The following ELP4 variants were observed in gnomAD, a reference collection of about 807,000 sequenced individuals.
ELP4 encodes the protein elongator acetyltransferase complex subunit 4.
In ELP4, 51 loss-of-function variants were observed where a neutral mutation model predicts 48.9. The observed-to-expected ratio is 1.04, with a 90% CI of 0.83 to 1.32. ELP4 has a LOEUF of 1.32. Ranked by LOEUF, ELP4 falls within the 40% of genes most tolerant of loss-of-function variation. The pLI is 0.00. For synonymous variants in ELP4, 210 were observed against 189.2 expected (o/e 1.11, Z -0.90); for missense variants, 519 against 514.6 (o/e 1.01, Z -0.08).
chr11:31,559,228 T>C (rs935871377), intron 3 of ELP4, among the ~76,000 whole-genome samples: 1 of 152,226 alleles, frequency 6.6e-6, no homozygotes, highest in African/African-American at 2.4e-5. Flanking sequence ...GTTGGGGTGA[T>C]TCCTTCAGTG....
At chr11:31,694,060 T>A (rs541838457) in intron 9 of ELP4, among the ~76,000 whole-genome samples, 1 of 152,334 alleles carries the variant, frequency 6.6e-6, no homozygotes, top group African/African-American at 2.4e-5. Context: ...TTCTGGATAC[T>A]AGCCCTTTGT....
chr11:31,518,978 A>AT (rs939743147), intron 1 of ELP4, among the ~76,000 whole-genome samples: 8 of 150,470 alleles, frequency 5.3e-5, no homozygotes, highest in South Asian at 2.1e-4. Flanking sequence ...CATGCAGATT[A>AT]TTTTTTTTGT....
At chr11:31,699,174 C>A (rs565381548) in intron 9 of ELP4, among the ~76,000 whole-genome samples, 1 of 152,078 alleles carries the variant, frequency 6.6e-6, no homozygotes, top group South Asian at 2.1e-4. Context: ...GTCTCTTCCT[C>A]CACAAAAAAT....
chr11:31,564,434 G>T (rs1466135695), intron 3 of ELP4, among the ~76,000 whole-genome samples: 3 of 151,212 alleles, frequency 2.0e-5, no homozygotes, highest in African/African-American at 7.3e-5. Flanking sequence ...CAACGTGCAG[G>T]TTTGTTACAT....
intron 9 of ELP4, among the ~76,000 whole-genome samples, chr11:31,655,653 A>G (rs1216557378): frequency 6.6e-6 from 1 of 152,006 alleles, no homozygotes; most frequent in Non-Finnish European, 1.5e-5. Context: ...ACACAAAACA[A>G]GCTTACACGA....
At chr11:31,738,637 G>C (rs1251178860) in intron 9 of ELP4, among the ~76,000 whole-genome samples, 1 of 151,984 alleles carries the variant, frequency 6.6e-6, no homozygotes, top group Non-Finnish European at 1.5e-5. Flanking sequence ...GGGGGAGGTG[G>C]AGGTGGGAGG....
chr11:31,539,323 G>A (rs1475555572), intron 2 of ELP4, among the ~76,000 whole-genome samples: 1 of 152,118 alleles, frequency 6.6e-6, no homozygotes, highest in Admixed American at 6.6e-5. Context: ...AAATTAGCCG[G>A]GCCTGGTGGC....
chr11:31,645,649 A>G (rs1401857156), intron 7 of ELP4: 1 of 151,796 alleles, frequency 6.6e-6, no homozygotes, highest in Non-Finnish European at 1.5e-5. Flanking sequence ...TTATTTATAG[A>G]TAAAAGGAAA....
chr11:31,667,383 A>G (rs1050445715), intron 9 of ELP4, among the ~76,000 whole-genome samples: 11 of 152,184 alleles, frequency 7.2e-5, no homozygotes, highest in Non-Finnish European at 1.2e-4. Flanking sequence ...TAAAGCACCT[A>G]ATGTCAAATA....
intron 3 of ELP4, among the ~76,000 whole-genome samples, chr11:31,562,222 A>G (rs1957035172): frequency 6.6e-6 from 1 of 152,232 alleles, no homozygotes; most frequent in African/African-American, 2.4e-5. Flanking sequence ...GATAGTTTCT[A>G]ATACAATATT....
At chr11:31,731,576 G>GTA (rs1181429659) in intron 9 of ELP4, among the ~76,000 whole-genome samples, 2 of 151,106 alleles carry the variant, frequency 1.3e-5, no homozygotes, top group Non-Finnish European at 3.0e-5. Context: ...AGGTGTGTGT[G>GTA]TGTGTGTGTG....
At chr11:31,776,907 G>T (rs1948259052) in intron 9 of ELP4, among the ~76,000 whole-genome samples, 1 of 152,178 alleles carries the variant, frequency 6.6e-6, no homozygotes, top group Non-Finnish European at 1.5e-5. Context: ...ATGTTTAGCA[G>T]AATTTGCTCC....
chr11:31,515,029 G>GTATATATATATATATATATA (rs1173108055), intron 1 of ELP4, among the ~76,000 whole-genome samples: 1 of 132,722 alleles, frequency 7.5e-6, no homozygotes. Flanking sequence ...GTGTGTGTGT[G>GTATATATATATATATATATA]TGTGTATATA....
intron 2 of ELP4, among the ~76,000 whole-genome samples, chr11:31,536,609 C>G (rs1956505779): frequency 2.0e-5 from 3 of 152,176 alleles, no homozygotes; most frequent in Admixed American, 6.5e-5. Flanking sequence ...GCCTCGGCCT[C>G]TCAAAGCATG....
At chr11:31,510,753 A>AT (rs1955980144) in intron 1 of ELP4, 3 of 181,758 alleles carry the variant, frequency 1.7e-5, no homozygotes, top group Admixed American at 1.2e-4. Context: ...AATCTCTGGA[A>AT]TTTTTTATGA....
intron 9 of ELP4, among the ~76,000 whole-genome samples, chr11:31,701,553 A>G (rs953960352): frequency 3.9e-5 from 6 of 151,940 alleles, no homozygotes; most frequent in Non-Finnish European, 7.4e-5. Context: ...GTCAAAAGCT[A>G]TTGCCTAAAC....
chr11:31,630,152 C>T (rs1314574600), intron 6 of ELP4, among the ~76,000 whole-genome samples: 1 of 151,194 alleles, frequency 6.6e-6, no homozygotes, highest in Non-Finnish European at 1.5e-5. Flanking sequence ...ATTGAACCAG[C>T]TGCCTACATA....
At chr11:31,767,166 C>A (rs1451743644) in intron 9 of ELP4, 2 of 151,952 alleles carry the variant, frequency 1.3e-5, no homozygotes, top group African/African-American at 4.8e-5. Context: ...AAATCAATTC[C>A]CTCCACTATT....
At position 31,627,168 on chromosome 11, in the gene ELP4, G is replaced by A; in HGVS notation, c.712G>A (p.Glu238Lys). 6.4e-7 allele frequency: 1 copy of A among 1,570,774 alleles called. No homozygotes were observed. Among genetic ancestry groups the A allele is most frequent in the Non-Finnish European group, 8.7e-7 (1 of 1,154,636 alleles). ...GTTTATCCAGAACATCATTTATGAG[G>A]AAGGATTTGATGGATCCAATCCTCA... Reference protein sequence around the residue: ...LQFIQNIIYEEGFDGSNPQKK... With the variant: ...LQFIQNIIYEKGFDGSNPQKK... The change falls in exon 6 of 10, where the codon GAA (glutamate) becomes AAA (lysine). Residue 238 changes from glutamate to lysine, a missense_variant. By Grantham distance (56) the Glu-to-Lys change is moderately conservative. Coordinates refer to ENST00000640961, the MANE Select transcript of ELP4 (RefSeq NM_019040.5).
Sources: allele counts gnomAD v4.1 joint callset (sites outside exome capture counted in the v4.1 genomes callset), GRCh38; gene constraint gnomAD v4.1.1; transcripts MANE v1.5; gene names NCBI Gene and HGNC (gene_info 2026-07-23, HGNC 2026-07-21).